Variants in WDR7 observed in about 807,000 individuals in gnomAD.
The protein encoded by WDR7 is WD repeat domain 7, also known as WD repeat-containing protein 7.
Under a neutral mutation model 169.4 loss-of-function variants are expected in WDR7, and 46 were observed. The observed-to-expected ratio is 0.27, with a 90% CI of 0.21 to 0.35. WDR7 has a LOEUF of 0.35. Among genes scored for constraint, WDR7 ranks in the 10% least tolerant of loss-of-function variants. The pLI is 1.00. For missense variants in WDR7, 1,534 were observed against 1,859.3 expected (o/e 0.83, Z 3.22); for synonymous variants, 612 against 666.8 (o/e 0.92, Z 1.27).
At chr18:56,996,330 A>C (rs2047898892) in intron 26 of WDR7, among the ~76,000 whole-genome samples, 1 of 152,192 alleles carries the variant, frequency 6.6e-6, no homozygotes, top group Non-Finnish European at 1.5e-5. Context: ...TCTTTTGTGC[A>C]TATAATTATA....
At chr18:56,688,396 G>A (rs1477256658) in intron 7 of WDR7, among the ~76,000 whole-genome samples, 3 of 151,930 alleles carry the variant, frequency 2.0e-5, no homozygotes, top group African/African-American at 4.8e-5. Flanking sequence ...CTTCCTTTGT[G>A]TTAAAATTTA....
chr18:56,881,790 T>C (rs572221033), intron 21 of WDR7, among the ~76,000 whole-genome samples: 157 of 152,224 alleles, frequency 1.0e-3, no homozygotes, highest in African/African-American at 3.7e-3. Context: ...TTCCCCATGT[T>C]GGCCAGGCTG....
At chr18:57,012,543 C>T (rs570941890) in intron 26 of WDR7, among the ~76,000 whole-genome samples, 2 of 152,302 alleles carry the variant, frequency 1.3e-5, no homozygotes, top group Non-Finnish European at 2.9e-5. Flanking sequence ...ACACTTCTGC[C>T]GGGCAAGCTC....
At chr18:56,835,790 G>A (rs2045385823) in intron 20 of WDR7, among the ~76,000 whole-genome samples, 1 of 152,142 alleles carries the variant, frequency 6.6e-6, no homozygotes, top group Admixed American at 6.5e-5. Flanking sequence ...GTAGGTATGA[G>A]ATTATTCACA....
At chr18:56,807,455 C>A (rs1449063121) in intron 19 of WDR7, among the ~76,000 whole-genome samples, 6 of 151,970 alleles carry the variant, frequency 3.9e-5, no homozygotes, top group African/African-American at 1.5e-4. Context: ...AAAATACATG[C>A]AGTAATTAGA....
chr18:56,895,941 A>C (rs2046327236), intron 21 of WDR7, among the ~76,000 whole-genome samples: 1 of 151,850 alleles, frequency 6.6e-6, no homozygotes. Context: ...TACCAGAGAT[A>C]AATGGAATAT....
chr18:56,684,115 A>G (rs1040293894), intron 5 of WDR7, among the ~76,000 whole-genome samples: 3 of 152,162 alleles, frequency 2.0e-5, no homozygotes, highest in Admixed American at 6.5e-5. Flanking sequence ...CAGACCTGCG[A>G]TCAGGATGTT....
chr18:56,656,351 C>T (rs1234490895), intron 1 of WDR7, among the ~76,000 whole-genome samples: 2 of 149,186 alleles, frequency 1.3e-5, no homozygotes, highest in African/African-American at 5.0e-5. Context: ...GCAATCTTGG[C>T]TCAGTGCAAC....
the WDR7 span, chr18:57,035,841 A>G: frequency 1.3e-5 from 2 of 152,272 alleles, no homozygotes; most frequent in Non-Finnish European, 2.9e-5. Flanking sequence ...AGGGCAGCCA[A>G]CAAGGGTATT....
chr18:56,794,302 CTAT>C (rs1465747556), intron 19 of WDR7, among the ~76,000 whole-genome samples: 3 of 29,466 alleles, frequency 1.0e-4, no homozygotes, highest in Non-Finnish European at 9.1e-5. Context: ...AAGGTAAAGT[CTAT>C]TTTTTTTTTT....
At chr18:56,991,848 G>A (rs1475340131) in intron 26 of WDR7, among the ~76,000 whole-genome samples, 1 of 152,210 alleles carries the variant, frequency 6.6e-6, no homozygotes, top group Non-Finnish European at 1.5e-5. Flanking sequence ...ATCTGTATCT[G>A]TCAGTTCAGT....
intron 26 of WDR7, among the ~76,000 whole-genome samples, chr18:56,993,939 C>T (rs1241174903): frequency 2.6e-5 from 4 of 151,820 alleles, no homozygotes; most frequent in African/African-American, 7.3e-5. Flanking sequence ...TTTATATTGT[C>T]GTTGATTTGA....
chr18:56,817,678 A>G (rs751744287), intron 20 of WDR7, among the ~76,000 whole-genome samples: 32 of 152,092 alleles, frequency 2.1e-4, no homozygotes, highest in Non-Finnish European at 3.8e-4. Flanking sequence ...TTTTTCTGAT[A>G]GTCATTTAGC....
intron 25 of WDR7, among the ~76,000 whole-genome samples, chr18:56,947,601 C>T (rs2047123637): frequency 6.6e-6 from 1 of 152,184 alleles, no homozygotes; most frequent in Non-Finnish European, 1.5e-5. Context: ...TGTGAAGTCC[C>T]TCACGCAGAA....
In WDR7 at chr18:56,816,654, A is replaced by G. The variant is rs369905064; in HGVS notation, c.3304+510A>G. ...TTACCTTTCACATGAAGTGAAATTT[A>G]GGTGAAAAACATAAAGCAAATTTTA... On this transcript the variant is annotated intron_variant, in intron 20 of 27. Transcript: ENST00000254442. Among the ~76,000 whole-genome samples, 16 of 152,332 alleles carry G rather than the reference A, an allele frequency of 1.1e-4. No homozygotes were observed. In the East Asian group the frequency reaches 2.7e-3, roughly 26 times the overall value.
intron 21 of WDR7, among the ~76,000 whole-genome samples, chr18:56,884,101 A>G (rs991930513): frequency 9.2e-5 from 14 of 152,024 alleles, no homozygotes; most frequent in African/African-American, 3.4e-4. Flanking sequence ...TGTTTTGCAT[A>G]GTGGTTGTAC....
intron 14 of WDR7, among the ~76,000 whole-genome samples, chr18:56,741,110 G>T (rs1351370789): frequency 2.0e-5 from 3 of 152,012 alleles, no homozygotes; most frequent in African/African-American, 7.2e-5. Flanking sequence ...TGGCCTACAG[G>T]TCAATAGGGC....
chr18:56,754,287 ATATG>A (rs1286874882), intron 14 of WDR7, among the ~76,000 whole-genome samples: 22 of 95,930 alleles, frequency 2.3e-4, no homozygotes, highest in African/African-American at 8.4e-4. Flanking sequence ...GTGTGTGTGT[ATATG>A]TGTGTGTGTG....
At chr18:56,734,323 A>G (rs2026650192) in intron 14 of WDR7, among the ~76,000 whole-genome samples, 2 of 151,878 alleles carry the variant, frequency 1.3e-5, no homozygotes, top group South Asian at 4.1e-4. Context: ...ACAGATTGAC[A>G]TTTTGGGATG....
Sources: allele counts gnomAD v4.1 joint callset (sites outside exome capture counted in the v4.1 genomes callset), GRCh38; gene constraint gnomAD v4.1.1; transcripts MANE v1.5; gene names NCBI Gene and HGNC (gene_info 2026-07-23, HGNC 2026-07-21).